Variants in DIAPH2 observed in about 807,000 individuals in gnomAD.
DIAPH2 encodes the protein diaphanous related formin 2, also known as protein diaphanous homolog 2.
Under a neutral mutation model 92.7 loss-of-function variants are expected in DIAPH2, and 35 were observed. The ratio of observed to expected loss-of-function variants is 0.38; its 90% CI spans 0.29 to 0.50. The LOEUF is 0.50. DIAPH2 is among the 20% of genes least tolerant of loss of function. The pLI is 0.94. For missense variants in DIAPH2, 701 were observed against 819.5 expected (o/e 0.86, Z 1.77); for synonymous variants, 301 against 280.4 (o/e 1.07, Z -0.73).
chrX:97,210,479 A>T (rs142120873), intron 22 of DIAPH2, among the ~76,000 whole-genome samples: 90 of 111,929 alleles, frequency 8.0e-4, no homozygotes, highest in African/African-American at 2.9e-3. Flanking sequence ...CCATTTAAAA[A>T]ATGTATTCTC....
chrX:96,932,889 G>A (rs1602640083), intron 10 of DIAPH2, among the ~76,000 whole-genome samples: 1 of 110,933 alleles, frequency 9.0e-6, no homozygotes, highest in African/African-American at 3.3e-5. Context: ...CTATCAAACT[G>A]TATTTTTGTA....
intron 26 of DIAPH2, among the ~76,000 whole-genome samples, chrX:97,434,435 A>G (rs1355715377): frequency 1.7e-4 from 16 of 93,804 alleles, no homozygotes; most frequent in Admixed American, 1.6e-3. Context: ...TTTGAGAAGG[A>G]GTCTCACTCT....
intron 22 of DIAPH2, among the ~76,000 whole-genome samples, chrX:97,222,169 T>A (rs1264751169): frequency 1.0e-5 from 1 of 100,315 alleles, no homozygotes; most frequent in African/African-American, 4.2e-5. Flanking sequence ...AAAGGGAGGG[T>A]CTAGATGATG....
At chrX:96,778,722 A>C (rs939467194) in intron 4 of DIAPH2, among the ~76,000 whole-genome samples, 4 of 111,947 alleles carry the variant, frequency 3.6e-5, no homozygotes, top group Admixed American at 9.5e-5. Flanking sequence ...GACTTAAAAA[A>C]AAATTTCATT....
At chrX:97,137,052 C>T (rs1399783564) in intron 21 of DIAPH2, among the ~76,000 whole-genome samples, 2 of 107,843 alleles carry the variant, frequency 1.9e-5, no homozygotes, top group African/African-American at 3.4e-5. Context: ...CCTCAACTCA[C>T]GGTGGATTAA....
At chrX:96,750,056 T>A (rs1243397814) in intron 3 of DIAPH2, among the ~76,000 whole-genome samples, 2 of 97,147 alleles carry the variant, frequency 2.1e-5, no homozygotes, top group Non-Finnish European at 4.2e-5. Flanking sequence ...TTCAAGTTTT[T>A]TTTTTTTTTT....
At chrX:97,514,605 G>A (rs1234925509) in intron 26 of DIAPH2, among the ~76,000 whole-genome samples, 1 of 111,338 alleles carries the variant, frequency 9.0e-6, no homozygotes, top group Non-Finnish European at 1.9e-5. Flanking sequence ...AGAGTTTCCA[G>A]TTTTTCTGCT....
At chrX:97,143,732 GAT>G (rs774017480) in intron 22 of DIAPH2, among the ~76,000 whole-genome samples, 24 of 111,220 alleles carry the variant, frequency 2.2e-4, no homozygotes, top group South Asian at 1.1e-3. Flanking sequence ...CAATAGGTAA[GAT>G]ATGAAATCAG....
At chrX:96,755,059 G>C (rs2064218107) in intron 3 of DIAPH2, among the ~76,000 whole-genome samples, 1 of 109,599 alleles carries the variant, frequency 9.1e-6, no homozygotes, top group Non-Finnish European at 1.9e-5. Context: ...GAGCCTATGA[G>C]AGAGAGATGA....
At chrX:97,373,002 G>A (rs775304002) in intron 24 of DIAPH2, among the ~76,000 whole-genome samples, 9 of 110,553 alleles carry the variant, frequency 8.1e-5, no homozygotes, top group African/African-American at 2.6e-4. Flanking sequence ...AAGAAAAGCC[G>A]TGTAACACTG....
At chrX:96,703,243 A>G (rs1399613283) in intron 1 of DIAPH2, among the ~76,000 whole-genome samples, 2 of 111,867 alleles carry the variant, frequency 1.8e-5, no homozygotes, top group Non-Finnish European at 1.9e-5. Context: ...CAGGAGATTG[A>G]TGTGATCAGA....
chrX:97,513,919 C>T (rs1229414658), intron 26 of DIAPH2, among the ~76,000 whole-genome samples: 1 of 103,433 alleles, frequency 9.7e-6, no homozygotes, highest in Admixed American at 1.0e-4. Context: ...GTAACCCGAC[C>T]TTTCTCTCTG....
intron 4 of DIAPH2, among the ~76,000 whole-genome samples, chrX:96,869,189 C>A (rs2065122893): frequency 9.0e-6 from 1 of 110,578 alleles, no homozygotes; most frequent in Non-Finnish European, 1.9e-5. Context: ...CAGGAGCCTT[C>A]CTTTTTTGCA....
intron 22 of DIAPH2, among the ~76,000 whole-genome samples, chrX:97,230,647 C>T (rs2068002803): frequency 8.9e-6 from 1 of 112,130 alleles, no homozygotes; most frequent in Non-Finnish European, 1.9e-5. Flanking sequence ...CTCTGCTTCC[C>T]GGGTTCTAGA....
At chrX:97,403,765 G>T (rs935910973) in intron 25 of DIAPH2, among the ~76,000 whole-genome samples, 1 of 110,975 alleles carries the variant, frequency 9.0e-6, no homozygotes, top group African/African-American at 3.3e-5. Flanking sequence ...GCCTCTAGGT[G>T]TACCTGAATG....
At chrX:96,717,695 A>G (rs2147543867) in intron 1 of DIAPH2, among the ~76,000 whole-genome samples, 1 of 103,386 alleles carries the variant, frequency 9.7e-6, no homozygotes, top group East Asian at 3.0e-4. Context: ...TCTTTATCAC[A>G]CTGGCTTTCA....
At chrX:97,297,390 T>C (rs775616548) in intron 23 of DIAPH2, among the ~76,000 whole-genome samples, 1 of 109,567 alleles carries the variant, frequency 9.1e-6, no homozygotes, top group Non-Finnish European at 1.9e-5. Context: ...AGCAGGGAAG[T>C]TTTCCTGACA....
intron 26 of DIAPH2, among the ~76,000 whole-genome samples, chrX:97,515,579 G>C (rs1227379600): frequency 8.9e-6 from 1 of 112,126 alleles, no homozygotes; most frequent in African/African-American, 3.2e-5. Context: ...TGAAGAAGTG[G>C]AGGGTAGTGG....
At chrX:97,275,927 G>A (rs1357234671) in intron 23 of DIAPH2, among the ~76,000 whole-genome samples, 3 of 112,485 alleles carry the variant, frequency 2.7e-5, no homozygotes, top group Non-Finnish European at 3.8e-5. Flanking sequence ...CAAGGCAGGC[G>A]GCTGGGAGGT....
Sources: gnomAD v4.1 joint callset for allele counts (sites outside exome capture counted in the v4.1 genomes callset) on GRCh38, gnomAD v4.1.1 for gene constraint, MANE v1.5 for transcripts, NCBI Gene and HGNC (gene_info 2026-07-23, HGNC 2026-07-21) for gene names.